DMP1: variants seen among roughly 807,000 people sequenced by gnomAD.
The protein encoded by DMP1 is dentin matrix protein 1.
Under a neutral mutation model 14.6 loss-of-function variants are expected in DMP1, and 20 were observed. That is an observed-to-expected ratio of 1.37 (90% CI 0.96 to 1.99). The LOEUF is 1.99. Among genes scored for constraint, DMP1 ranks in the 30% most tolerant of loss-of-function variants. The probability of loss-of-function intolerance (pLI) is 0.00; values close to 1 mark genes in which losing one functional copy is unlikely to be tolerated. For missense variants in DMP1, 567 were observed against 620.5 expected, an observed-to-expected ratio of 0.91 and a Z score of 0.92; for synonymous variants, 197 against 215.3, an observed-to-expected ratio of 0.91 and a Z score of 0.75.
In DMP1 at chr4:87,662,930, C is replaced by G; in HGVS notation, c.1152C>G (p.Ser384Arg). Residue 384 changes from serine to arginine, a missense_variant, in exon 6 of 6, where the codon AGC becomes AGG. By Grantham distance (110) the Ser-to-Arg change is moderately radical. Coordinates refer to ENST00000339673, the MANE Select transcript of DMP1 (RefSeq NM_004407.4). ...AAGACCAGGAAGACAGTGACTCCAG[C>G]GAGGAGGACAGCTCGCACACACTCT... ...YVEDQEDSDSSEEDSSHTLSH... is the reference protein window; with the variant it reads ...YVEDQEDSDSREEDSSHTLSH... The G allele has an allele frequency of 6.2e-7, 1 of 1,614,082 alleles. No individual in the cohort carries two copies. The highest frequency in any genetic ancestry group is 1.6e-4 in the Middle Eastern group (1 of 6,062).
chr4:87,653,394 T>C, intron 1 of DMP1, among the ~76,000 whole-genome samples: 1 of 49,024 alleles, frequency 2.0e-5, no homozygotes, highest in Non-Finnish European at 4.0e-5. Flanking sequence ...GTGATATATA[T>C]ATATATATAT....
rs75830854 is a variant in DMP1, at chr4:87,654,655, A to C, written c.-21-1817A>C. Among the ~76,000 whole-genome samples, 464 of 152,298 alleles carry C rather than the reference A, an allele frequency of 3.0e-3. 2 individuals are homozygous for C. The highest frequency in any genetic ancestry group is 0.01 in the African/African-American group (427 of 41,564). ...AAAGGAAGGACAGATAAAAGAGGCA[A>C]GTGGTTGCATTCCTTTGAGTCTTTG... On this transcript the variant is annotated intron_variant, in intron 1 of 5. Coordinates refer to ENST00000339673, the MANE Select transcript of DMP1 (RefSeq NM_004407.4).
intron 5 of DMP1, 59 bp downstream of exon 5, chr4:87,659,537 T>C: frequency 6.9e-7 from 1 of 1,456,774 alleles, no homozygotes; most frequent in East Asian, 2.3e-5. Flanking sequence ...GGAAATGATG[T>C]TAGATTAAAT....
intron 2 of DMP1, 48 bp downstream of exon 2, chr4:87,656,594 A>G (rs1728704187): frequency 7.7e-7 from 1 of 1,300,240 alleles, no homozygotes; most frequent in Admixed American, 1.7e-5. Flanking sequence ...CATACTTAAA[A>G]CTCCACAATT....
At chr4:87,661,590 A>T (rs1298528330) in intron 5 of DMP1, among the ~76,000 whole-genome samples, 2 of 147,542 alleles carry the variant, frequency 1.4e-5, no homozygotes, top group Non-Finnish European at 3.0e-5. Context: ...CGATCTCTTG[A>T]CCTCGGCCTC....
chr4:87,655,993 C>A (rs1295544862), intron 1 of DMP1, among the ~76,000 whole-genome samples: 1 of 152,186 alleles, frequency 6.6e-6, no homozygotes, highest in African/African-American at 2.4e-5. Context: ...CCACATACTT[C>A]ACTAATTTGA....
intron 3 of DMP1, among the ~76,000 whole-genome samples, chr4:87,657,608 T>C (rs1174259042): frequency 6.6e-6 from 1 of 152,220 alleles, no homozygotes; most frequent in African/African-American, 2.4e-5. Context: ...TTATGTTTTA[T>C]TCTCACTTTA....
chr4:87,656,690 A>G (rs957472881), intron 2 of DMP1, 144 bp downstream of exon 2: 1 of 737,294 alleles, frequency 1.4e-6, no homozygotes. Flanking sequence ...CTTAAGAAAT[A>G]TCATTCAAGG....
intron 5 of DMP1, 85 bp downstream of exon 5, chr4:87,659,563 C>T: frequency 7.8e-7 from 1 of 1,275,212 alleles, no homozygotes; most frequent in Non-Finnish European, 1.1e-6. Flanking sequence ...GGCGACAGTT[C>T]TAAATATAAT....
At chr4:87,657,657 C>T (rs1009808403) in intron 3 of DMP1, among the ~76,000 whole-genome samples, 1 of 152,150 alleles carries the variant, frequency 6.6e-6, no homozygotes, top group African/African-American at 2.4e-5. Context: ...ATTCAATCGT[C>T]TAGGTTACAT....
intron 1 of DMP1, among the ~76,000 whole-genome samples, chr4:87,655,848 C>T (rs986373303): frequency 6.6e-6 from 1 of 152,064 alleles, no homozygotes; most frequent in Non-Finnish European, 1.5e-5. Flanking sequence ...TTCTATATTC[C>T]TCTTTCTTTA....
At chr4:87,652,149 G>A (rs886790802) in intron 1 of DMP1, among the ~76,000 whole-genome samples, 9 of 151,970 alleles carry the variant, frequency 5.9e-5, no homozygotes, top group African/African-American at 1.7e-4. Context: ...CTTTTGTTAC[G>A]TCATCTCACT....
intron 5 of DMP1, 87 bp downstream of exon 5, chr4:87,659,565 A>G (rs564595463): frequency 7.9e-7 from 1 of 1,267,528 alleles, no homozygotes; most frequent in Non-Finnish European, 1.2e-6. Flanking sequence ...CGACAGTTCT[A>G]AATATAATAT....
At chr4:87,659,522 T>C in intron 5 of DMP1, 44 bp downstream of exon 5, 1 of 1,547,554 alleles carries the variant, frequency 6.5e-7, no homozygotes, top group Non-Finnish European at 8.9e-7. Context: ...TACTTAGGAA[T>C]GGAAGGAAAT....
chr4:87,654,014 G>A (rs1203434333), intron 1 of DMP1, among the ~76,000 whole-genome samples: 1 of 152,160 alleles, frequency 6.6e-6, no homozygotes, highest in African/African-American at 2.4e-5. Context: ...GGACAAAAAG[G>A]TTTTGACCTT....
At chr4:87,660,152 T>C (rs1270816282) in intron 5 of DMP1, among the ~76,000 whole-genome samples, 1 of 152,180 alleles carries the variant, frequency 6.6e-6, no homozygotes, top group Non-Finnish European at 1.5e-5. Flanking sequence ...CCTAAGGCTT[T>C]GATCCATGTT....
In DMP1 at chr4:87,656,544, C is replaced by T. The variant is rs1208985269; in HGVS notation, c.52C>T (p.Pro18Ser). The T allele has an allele frequency of 6.2e-7, 1 of 1,603,044 alleles. No homozygotes were observed. The highest frequency in any genetic ancestry group is 2.2e-5 in the East Asian group (1 of 44,824). ...MFLWGLSCAL[P>S]VTRYQNNESE... ...CCTTTGGGGATTATCCTGTGCTCTC[C>T]CAGTAAGTATTAGGGTAGGGATATA... The change falls in exon 2 of 6, where the codon CCA becomes TCA. Residue 18 changes from proline to serine, a missense_variant and splice_region_variant. Pro to Ser is a moderately conservative substitution (Grantham distance 74). Transcript: ENST00000339673.
At chr4:87,654,643 A>T (rs998493311) in intron 1 of DMP1, among the ~76,000 whole-genome samples, 3 of 152,198 alleles carry the variant, frequency 2.0e-5, no homozygotes, top group African/African-American at 7.2e-5. Context: ...GGAAGGACAG[A>T]TAAAAGAGGC....
chr4:87,656,897 T>C lies in DMP1; in HGVS notation c.55-135T>C, dbSNP rs1728714274. ...TTTAGGGATAGGAAACAGAAATCAG[T>C]GTTTTAACAAGGCCTCCCAGTGATT... On this transcript the variant is annotated intron_variant, in intron 2 of 5. Coordinates refer to ENST00000339673, the MANE Select transcript of DMP1 (RefSeq NM_004407.4). The C allele has an allele frequency of 7.3e-6, 5 of 683,282 alleles. No homozygotes were observed. In the Admixed American group the frequency reaches 1.2e-4, roughly 16 times the overall value. The allele number at this position is 683,282 out of a possible 1,614,324, so 42.3% of individuals were successfully genotyped here.
Sources: gnomAD v4.1 joint callset for allele counts (sites outside exome capture counted in the v4.1 genomes callset) on GRCh38, gnomAD v4.1.1 for gene constraint, MANE v1.5 for transcripts, NCBI Gene and HGNC (gene_info 2026-07-23, HGNC 2026-07-21) for gene names.